Variants in GALNT13 observed in about 807,000 individuals in gnomAD.
GALNT13 encodes the protein polypeptide N-acetylgalactosaminyltransferase 13.
GALNT13 carries 28 observed loss-of-function variants against 64.2 expected under a neutral mutation model. The observed-to-expected ratio is 0.44, with a 90% CI of 0.32 to 0.60. GALNT13 has a LOEUF of 0.60. Ranked by LOEUF, GALNT13 falls within the 20% of genes least tolerant of loss-of-function variation. The pLI is 0.05. For missense variants in GALNT13, 577 were observed against 669.8 expected (o/e 0.86, Z 1.53); for synonymous variants, 214 against 224.6 (o/e 0.95, Z 0.42).
chr2:154,359,668 G>T (rs1440601046), intron 9 of GALNT13, among the ~76,000 whole-genome samples: 1 of 152,038 alleles, frequency 6.6e-6, no homozygotes, highest in Non-Finnish European at 1.5e-5. Context: ...CCTTGTACAT[G>T]TTACTATATT....
chr2:154,350,306 G>A (rs183436821), intron 9 of GALNT13, among the ~76,000 whole-genome samples: 41 of 152,288 alleles, frequency 2.7e-4, no homozygotes, highest in African/African-American at 9.6e-4. Context: ...TAAATCAGCT[G>A]CCAGCACAGC....
chr2:153,793,655 A>T, the GALNT13 span, among the ~76,000 whole-genome samples: 1 of 4,326 alleles, frequency 2.3e-4, no homozygotes, highest in Non-Finnish European at 1.6e-3. Flanking sequence ...ATTTTGCTTT[A>T]AAAAAAAAAA....
intron 3 of GALNT13, among the ~76,000 whole-genome samples, chr2:154,048,298 T>C (rs1462743922): frequency 6.6e-6 from 1 of 152,140 alleles, no homozygotes; most frequent in Non-Finnish European, 1.5e-5. Context: ...CCTCCAACAC[T>C]GGGTATTACA....
the GALNT13 span, among the ~76,000 whole-genome samples, chr2:153,846,271 T>C: frequency 6.6e-6 from 1 of 152,128 alleles, no homozygotes; most frequent in Non-Finnish European, 1.5e-5. Flanking sequence ...TTTAAATATA[T>C]GTAGAATTTA....
chr2:153,293,779 G>C, the GALNT13 span, among the ~76,000 whole-genome samples: 4 of 119,604 alleles, frequency 3.3e-5, no homozygotes, highest in South Asian at 9.8e-4. Context: ...GTGTGTGTGT[G>C]TGTGTGTGTG....
At chr2:153,631,273 G>A in the GALNT13 span, among the ~76,000 whole-genome samples, 10 of 152,082 alleles carry the variant, frequency 6.6e-5, no homozygotes, top group African/African-American at 1.2e-4. Context: ...ATAAACATAC[G>A]TGTGCATGTG....
chr2:153,689,187 T>A, the GALNT13 span, among the ~76,000 whole-genome samples: 2 of 151,976 alleles, frequency 1.3e-5, no homozygotes, highest in Admixed American at 6.6e-5. Context: ...GTTACTGGTA[T>A]GAAATATCAG....
intron 11 of GALNT13, among the ~76,000 whole-genome samples, chr2:154,425,291 A>C (rs1252184309): frequency 6.6e-6 from 1 of 152,228 alleles, no homozygotes; most frequent in African/African-American, 2.4e-5. Flanking sequence ...GATAGCAAAA[A>C]GTCTTTTATC....
chr2:154,402,026 CTG>C (rs1179141214), intron 10 of GALNT13, among the ~76,000 whole-genome samples: 1 of 152,072 alleles, frequency 6.6e-6, no homozygotes, highest in African/African-American at 2.4e-5. Flanking sequence ...ACATTAAGCT[CTG>C]GAATTCACTG....
the GALNT13 span, among the ~76,000 whole-genome samples, chr2:153,804,696 C>T: frequency 6.6e-6 from 1 of 151,908 alleles, no homozygotes. Context: ...ACTACACAAA[C>T]AAATTGTAAC....
the GALNT13 span, among the ~76,000 whole-genome samples, chr2:153,393,947 T>TAC: frequency 0.012 from 1,546 of 128,244 alleles, 20 homozygotes; most frequent in East Asian, 0.07. Flanking sequence ...TCTCTCTGTC[T>TAC]ACACACACAC....
intron 9 of GALNT13, among the ~76,000 whole-genome samples, chr2:154,365,708 A>G (rs17838576): frequency 0.72 from 109,196 of 152,100 alleles, 39,410 homozygotes; most frequent in East Asian, 0.78. Flanking sequence ...TCGACTTAGG[A>G]TTCCATTGTC....
chr2:153,280,392 C>A, the GALNT13 span, among the ~76,000 whole-genome samples: 1 of 151,982 alleles, frequency 6.6e-6, no homozygotes, highest in East Asian at 1.9e-4. Context: ...TTAGTTATTT[C>A]TTTTCTTCTG....
At chr2:154,168,962 T>C (rs540035021) in intron 4 of GALNT13, among the ~76,000 whole-genome samples, 3 of 152,242 alleles carry the variant, frequency 2.0e-5, no homozygotes, top group Admixed American at 1.3e-4. Context: ...TCAGGCTGCC[T>C]CTACTCATGG....
At chr2:153,074,740 T>C in the GALNT13 span, among the ~76,000 whole-genome samples, 1 of 152,170 alleles carries the variant, frequency 6.6e-6, no homozygotes, top group Non-Finnish European at 1.5e-5. Context: ...TAATAGTGAT[T>C]ATTGATTATT....
chr2:154,019,787 G>A (rs1487663667), intron 3 of GALNT13, among the ~76,000 whole-genome samples: 1 of 151,736 alleles, frequency 6.6e-6, no homozygotes, highest in Non-Finnish European at 1.5e-5. Flanking sequence ...TGCCATGTTG[G>A]TGTGCTGCAC....
At chr2:153,514,330 A>T in the GALNT13 span, among the ~76,000 whole-genome samples, 1 of 152,182 alleles carries the variant, frequency 6.6e-6, no homozygotes, top group African/African-American at 2.4e-5. Flanking sequence ...GATTGTTTTC[A>T]TACTTCATCT....
At chr2:154,356,414 C>T (rs774850178) in intron 9 of GALNT13, among the ~76,000 whole-genome samples, 4 of 151,710 alleles carry the variant, frequency 2.6e-5, no homozygotes. Flanking sequence ...GAAAAAAGTG[C>T]TTTTTAATCA....
At chr2:153,400,552 T>A in the GALNT13 span, among the ~76,000 whole-genome samples, 1 of 152,168 alleles carries the variant, frequency 6.6e-6, no homozygotes. Flanking sequence ...ATCCATCTGG[T>A]CCTGGACTCT....
Sources: allele counts gnomAD v4.1 joint callset (sites outside exome capture counted in the v4.1 genomes callset), GRCh38; gene constraint gnomAD v4.1.1; transcripts MANE v1.5; gene names NCBI Gene and HGNC (gene_info 2026-07-23, HGNC 2026-07-21).